The following LCLAT1 variants were observed in gnomAD, a reference collection of about 807,000 sequenced individuals.
The protein encoded by LCLAT1 is lysocardiolipin acyltransferase 1, also known as 1-AGP acyltransferase 8.
In LCLAT1, 11 loss-of-function variants were observed where a neutral mutation model predicts 30.7. The ratio of observed to expected loss-of-function variants is 0.36; its 90% confidence interval spans 0.23 to 0.59. The LOEUF (loss-of-function observed/expected upper bound fraction) is 0.59. Ranked by LOEUF, LCLAT1 falls within the 20% of genes least tolerant of loss-of-function variation. LCLAT1 has a pLI of 0.77. For synonymous variants in LCLAT1, 155 were observed against 151.3 expected, an observed-to-expected ratio of 1.02 and a Z score of -0.18; for missense variants, 402 against 458.6, an observed-to-expected ratio of 0.88 and a Z score of 1.13.
intron 3 of LCLAT1, among the ~76,000 whole-genome samples, chr2:30,537,602 A>G (rs1663852440): frequency 6.6e-6 from 1 of 152,056 alleles, no homozygotes; most frequent in African/African-American, 2.4e-5. Flanking sequence ...TGTTAGATCT[A>G]AAGGGAGCGT....
rs147590720 is a variant in LCLAT1 at position 30,556,140 on chromosome 2, G to A, written c.365-6006G>A. ...CTAGGTAATAAATATTTTAGGCTGT[G>A]GTCCATACTATCTCTGTTGTACCTA... On this transcript the variant is annotated intron_variant, in intron 3 of 5. Transcript: ENST00000379509. Among the ~76,000 whole-genome samples, 3 of 151,994 alleles carry A rather than the reference G, an allele frequency of 2.0e-5. No individual in the cohort carries two copies. The East Asian group carries it at 5.8e-4, about 29-fold the overall frequency.
At chr2:30,636,778 T>C (rs1669050056) in intron 5 of LCLAT1, among the ~76,000 whole-genome samples, 1 of 152,166 alleles carries the variant, frequency 6.6e-6, no homozygotes, top group African/African-American at 2.4e-5. Context: ...TAAAAACACA[T>C]GACTGTATTT....
At chr2:30,471,732 G>A (rs1261657082) in intron 1 of LCLAT1, among the ~76,000 whole-genome samples, 1 of 151,890 alleles carries the variant, frequency 6.6e-6, no homozygotes, top group Non-Finnish European at 1.5e-5. Context: ...TGTTGATCTC[G>A]TACCCTTCAA....
At chr2:30,561,674 G>A (rs12621663) in intron 3 of LCLAT1, among the ~76,000 whole-genome samples, 93,942 of 151,958 alleles carry the variant, frequency 0.62, 29,402 homozygotes, top group Non-Finnish European at 0.67. Context: ...AATAGCAGTT[G>A]GATTTAGAGA....
chr2:30,558,785 T>G (rs986520382), intron 3 of LCLAT1, among the ~76,000 whole-genome samples: 2 of 152,162 alleles, frequency 1.3e-5, no homozygotes, highest in African/African-American at 4.8e-5. Context: ...ATAATCACTT[T>G]GAAGAACTGG....
At chr2:30,505,639 CAG>C (rs1684621817) in intron 1 of LCLAT1, among the ~76,000 whole-genome samples, 2 of 152,150 alleles carry the variant, frequency 1.3e-5, no homozygotes, top group South Asian at 2.1e-4. Flanking sequence ...GTTAAAGAAA[CAG>C]AGTATTACCA....
chr2:30,566,030 G>A (rs912722549), intron 4 of LCLAT1, among the ~76,000 whole-genome samples: 1 of 152,290 alleles, frequency 6.6e-6, no homozygotes, highest in East Asian at 1.9e-4. Flanking sequence ...GTGTAGGAGT[G>A]GGAGAATTAC....
chr2:30,560,324 G>A (rs906209576), intron 3 of LCLAT1, among the ~76,000 whole-genome samples: 8 of 131,014 alleles, frequency 6.1e-5, no homozygotes, highest in Non-Finnish European at 1.3e-4. Flanking sequence ...GTGTGTGTGT[G>A]TATTATTTAT....
chr2:30,491,361 A>G (rs1225664965), intron 1 of LCLAT1, among the ~76,000 whole-genome samples: 1 of 152,222 alleles, frequency 6.6e-6, no homozygotes, highest in African/African-American at 2.4e-5. Context: ...TATTAACTCA[A>G]TACTTATCCT....
At chr2:30,634,582 G>A (rs188680691) in intron 5 of LCLAT1, among the ~76,000 whole-genome samples, 1 of 152,302 alleles carries the variant, frequency 6.6e-6, no homozygotes, top group East Asian at 1.9e-4. Context: ...CCGGCGACAA[G>A]CGCAAAACTC....
intron 1 of LCLAT1, among the ~76,000 whole-genome samples, chr2:30,472,579 A>G (rs1032311390): frequency 1.3e-5 from 2 of 152,176 alleles, no homozygotes; most frequent in African/African-American, 2.4e-5. Context: ...TAGTGTCAGA[A>G]TGCACATTAT....
intron 1 of LCLAT1, among the ~76,000 whole-genome samples, chr2:30,520,646 A>C (rs918412884): frequency 1.3e-5 from 2 of 152,226 alleles, no homozygotes; most frequent in Non-Finnish European, 2.9e-5. Flanking sequence ...CGGCATGTAA[A>C]ATATATGAAA....
chr2:30,547,073 G>T (rs1664458704), intron 3 of LCLAT1, among the ~76,000 whole-genome samples: 1 of 152,058 alleles, frequency 6.6e-6, no homozygotes, highest in Non-Finnish European at 1.5e-5. Flanking sequence ...GCAATCATAG[G>T]CATTAGTTTT....
At chr2:30,635,988 G>A (rs1381097019) in intron 5 of LCLAT1, among the ~76,000 whole-genome samples, 1 of 152,164 alleles carries the variant, frequency 6.6e-6, no homozygotes. Flanking sequence ...TGAGCATCTA[G>A]TAAGGGCACA....
At chr2:30,485,209 A>G (rs1180616782) in intron 1 of LCLAT1, among the ~76,000 whole-genome samples, 2 of 152,174 alleles carry the variant, frequency 1.3e-5, no homozygotes, top group African/African-American at 4.8e-5. Flanking sequence ...TTTTCCATGC[A>G]TGGTTGGCTT....
At chr2:30,502,484 CT>C (rs1684448245) in intron 1 of LCLAT1, among the ~76,000 whole-genome samples, 1 of 152,142 alleles carries the variant, frequency 6.6e-6, no homozygotes. Flanking sequence ...AGAACCCCCC[CT>C]TCATAAGCTT....
intron 3 of LCLAT1, among the ~76,000 whole-genome samples, chr2:30,550,962 T>C (rs1664649611): frequency 6.6e-6 from 1 of 152,204 alleles, no homozygotes; most frequent in Admixed American, 6.5e-5. Flanking sequence ...CTGAAAGTAA[T>C]GGCCAGCTTT....
At chr2:30,589,324 C>T (rs573822472) in intron 5 of LCLAT1, among the ~76,000 whole-genome samples, 1 of 152,190 alleles carries the variant, frequency 6.6e-6, no homozygotes, top group Admixed American at 6.5e-5. Flanking sequence ...TACAATAGTT[C>T]CTCTAGGATG....
intron 5 of LCLAT1, among the ~76,000 whole-genome samples, chr2:30,579,491 G>C (rs924705968): frequency 5.3e-5 from 8 of 152,138 alleles, no homozygotes; most frequent in African/African-American, 1.9e-4. Context: ...AAATTTGGGA[G>C]GTTAGTATAT....
Sources: gnomAD v4.1 joint callset for allele counts (sites outside exome capture counted in the v4.1 genomes callset) on GRCh38, gnomAD v4.1.1 for gene constraint, MANE v1.5 for transcripts, NCBI Gene and HGNC (gene_info 2026-07-23, HGNC 2026-07-21) for gene names.